Variants in LIMCH1 observed in about 807,000 individuals in gnomAD.
LIMCH1 encodes LIM and calponin homology domains 1, also known as LIM and calponin homology domains-containing protein 1.
In LIMCH1, 113 loss-of-function variants were observed where a neutral mutation model predicts 176.5. The observed-to-expected ratio is 0.64, with a 90% CI of 0.55 to 0.75. LIMCH1 has a LOEUF of 0.75. LIMCH1 is among the 30% of genes least tolerant of loss of function. LIMCH1 has a pLI of 0.00. For missense variants in LIMCH1, 1,674 were observed against 1,814.9 expected, an observed-to-expected ratio of 0.92 and a Z score of 1.41; for synonymous variants, 619 against 645.9, an observed-to-expected ratio of 0.96 and a Z score of 0.63.
chr4:41,632,865 A>G lies in LIMCH1; in HGVS notation c.1718A>G (p.Glu573Gly), dbSNP rs1352242218. 2.0e-6 allele frequency: 3 copies of G among 1,535,670 alleles called. No homozygotes were observed. The highest frequency in any genetic ancestry group is 2.6e-6 in the Non-Finnish European group (3 of 1,146,604). Residue 573 changes from glutamate (E) to glycine (G), a missense_variant and splice_region_variant, in exon 11 of 32, where the codon GAA (glutamate) becomes GGA (glycine). Physicochemically the swap from Glu to Gly is moderately conservative, Grantham distance 98. Transcript: ENST00000503057. ...SLGECPRGTE[E>G]VTSKQLPQDG... Reference sequence around the variant, plus strand: ...GGCGAGTGCCCGAGGGGGACAGAGGAAGGTGAGGAGCAGTGTTTCCTGCCT... The same window carrying G: ...GGCGAGTGCCCGAGGGGGACAGAGGGAGGTGAGGAGCAGTGTTTCCTGCCT...
chr4:41,639,785 T>G (rs977881638), intron 14 of LIMCH1, among the ~76,000 whole-genome samples: 9 of 152,200 alleles, frequency 5.9e-5, no homozygotes, highest in Non-Finnish European at 1.0e-4. Context: ...ATGATTAATA[T>G]CTAAATCCAG....
At chr4:41,577,718 C>T (rs1269559479) in intron 1 of LIMCH1, among the ~76,000 whole-genome samples, 1 of 152,174 alleles carries the variant, frequency 6.6e-6, no homozygotes, top group East Asian at 1.9e-4. Flanking sequence ...TGTGAGCTAC[C>T]ACGCCTTGCC....
chr4:41,624,050 G>C (rs1342319099), intron 7 of LIMCH1, among the ~76,000 whole-genome samples: 1 of 152,150 alleles, frequency 6.6e-6, no homozygotes, highest in Non-Finnish European at 1.5e-5. Flanking sequence ...CAAGATTTCT[G>C]TTTTTAAGAG....
chr4:41,423,400 A>G (rs1377511540), intron 1 of LIMCH1, among the ~76,000 whole-genome samples: 1 of 152,166 alleles, frequency 6.6e-6, no homozygotes, highest in Non-Finnish European at 1.5e-5. Context: ...GAATTTTGCA[A>G]ATGAGCAAAA....
intron 1 of LIMCH1, among the ~76,000 whole-genome samples, chr4:41,416,273 G>T (rs970199956): frequency 6.6e-6 from 1 of 152,124 alleles, no homozygotes. Context: ...GGCAATAGAA[G>T]ATTTTAAAAC....
intron 22 of LIMCH1, among the ~76,000 whole-genome samples, chr4:41,675,247 C>T (rs1048411309): frequency 6.6e-6 from 1 of 151,720 alleles, no homozygotes; most frequent in Non-Finnish European, 1.5e-5. Context: ...CCAGCCCACC[C>T]GCCATGCACC....
chr4:41,469,910 G>A (rs2066705669), intron 1 of LIMCH1, among the ~76,000 whole-genome samples: 1 of 152,054 alleles, frequency 6.6e-6, no homozygotes, highest in Non-Finnish European at 1.5e-5. Context: ...TCAAACTCCT[G>A]ATCTCGTGAT....
At chr4:41,651,379 CT>C (rs2094292169) in intron 18 of LIMCH1, among the ~76,000 whole-genome samples, 1 of 152,178 alleles carries the variant, frequency 6.6e-6, no homozygotes, top group Non-Finnish European at 1.5e-5. Context: ...CTCATCTTAA[CT>C]AATCACATCT....
At chr4:41,361,898 G>A (rs73811186) in intron 1 of LIMCH1, among the ~76,000 whole-genome samples, 2,715 of 152,250 alleles carry the variant, frequency 0.018, 85 homozygotes, top group African/African-American at 0.062. Context: ...TGGAAGGTAT[G>A]AATTTGGCCT....
chr4:41,506,562 A>G (rs578142514), intron 2 of LIMCH1, among the ~76,000 whole-genome samples: 1 of 152,360 alleles, frequency 6.6e-6, no homozygotes, highest in South Asian at 2.1e-4. Context: ...GTTAAGTTAC[A>G]GTGTAAACCA....
intron 1 of LIMCH1, among the ~76,000 whole-genome samples, chr4:41,443,171 A>AG (rs1561386505): frequency 6.6e-6 from 1 of 150,850 alleles, no homozygotes. Context: ...AGAAAAAAAA[A>AG]TCATATTGGA....
chr4:41,670,910 C>T (rs1299668323), intron 21 of LIMCH1: 3 of 1,454,040 alleles, frequency 2.1e-6, no homozygotes, highest in Non-Finnish European at 2.7e-6. Context: ...ATTTCTTATG[C>T]ACAGTTAGCA....
At chr4:41,391,469 A>T (rs896756829) in intron 1 of LIMCH1, among the ~76,000 whole-genome samples, 2 of 152,216 alleles carry the variant, frequency 1.3e-5, no homozygotes, top group Non-Finnish European at 2.9e-5. Flanking sequence ...GTGGGCTGAT[A>T]TAGTGACTCA....
At chr4:41,520,760 T>C (rs2076039300) in intron 2 of LIMCH1, among the ~76,000 whole-genome samples, 1 of 152,208 alleles carries the variant, frequency 6.6e-6, no homozygotes, top group Admixed American at 6.5e-5. Context: ...TGTGGGTATA[T>C]TTAGCACAGA....
chr4:41,616,140 A>G (rs895963163), intron 5 of LIMCH1, among the ~76,000 whole-genome samples: 4 of 152,208 alleles, frequency 2.6e-5, no homozygotes, highest in African/African-American at 4.8e-5. Flanking sequence ...AGGTTAAATG[A>G]ACAGTCTAAT....
chr4:41,672,401 A>G (rs972770324), intron 22 of LIMCH1, among the ~76,000 whole-genome samples: 15 of 152,274 alleles, frequency 9.9e-5, no homozygotes, highest in African/African-American at 2.9e-4. Flanking sequence ...AATAGAATAG[A>G]AGAATTAGTA....
chr4:41,529,367 T>C (rs1040693326), intron 3 of LIMCH1, among the ~76,000 whole-genome samples: 3 of 152,226 alleles, frequency 2.0e-5, no homozygotes, highest in South Asian at 2.1e-4. Flanking sequence ...TGAAGTATAA[T>C]TGGAAATAGG....
At chr4:41,614,384 T>G (rs114223988) in intron 5 of LIMCH1, among the ~76,000 whole-genome samples, 467 of 152,352 alleles carry the variant, frequency 3.1e-3, no homozygotes, top group Middle Eastern at 6.8e-3. Flanking sequence ...ACTTATCTTG[T>G]ACCTTTGTAC....
intron 1 of LIMCH1, among the ~76,000 whole-genome samples, chr4:41,404,778 C>T (rs2058793571): frequency 6.6e-6 from 1 of 151,914 alleles, no homozygotes; most frequent in African/African-American, 2.4e-5. Context: ...GATTCTGTCT[C>T]AAAAAACAAA....
Sources: gnomAD v4.1 joint callset for allele counts (sites outside exome capture counted in the v4.1 genomes callset) on GRCh38, gnomAD v4.1.1 for gene constraint, MANE v1.5 for transcripts, NCBI Gene and HGNC (gene_info 2026-07-23, HGNC 2026-07-21) for gene names.